Variants in NAV3 observed in about 807,000 individuals in gnomAD.
NAV3 encodes neuron navigator 3.
A neutral mutation model predicts 244.7 loss-of-function variants in NAV3; 87 were observed. The ratio of observed to expected loss-of-function variants is 0.36; its 90% CI spans 0.30 to 0.42. The LOEUF (loss-of-function observed/expected upper bound fraction) is 0.42, where lower values mean the gene tolerates loss of function less well. Among genes scored for constraint, NAV3 ranks in the 20% least tolerant of loss-of-function variants. The pLI is 1.00. For synonymous variants in NAV3, 1,126 were observed against 1,042.2 expected (o/e 1.08, Z -1.55); for missense variants, 2,663 against 2,893.3 (o/e 0.92, Z 1.83).
chr12:77,781,524 G>T lies in NAV3; in HGVS notation c.73-158795G>T, dbSNP rs905285140. ...CTGGAACCTCCCCACCCCCTGCTTTGAGTTGTCCTGCCTTTCCAGACAGAA... is the reference window on the plus strand; with the variant it reads ...CTGGAACCTCCCCACCCCCTGCTTTTAGTTGTCCTGCCTTTCCAGACAGAA... On this transcript the variant is annotated intron_variant, in intron 2 of 8. Transcript: ENST00000550042. Among the ~76,000 whole-genome samples, 4 of 152,162 alleles carry T rather than the reference G, an allele frequency of 2.6e-5. No homozygotes were observed. In the East Asian group the frequency reaches 7.7e-4, roughly 29 times the overall value.
chr12:77,792,997 C>T (rs1285811469), intron 2 of NAV3, among the ~76,000 whole-genome samples: 1 of 152,086 alleles, frequency 6.6e-6, no homozygotes, highest in Non-Finnish European at 1.5e-5. Context: ...TGAGAGGCTT[C>T]CCATGGTCCC....
chr12:77,866,920 G>T (rs1880132215), intron 1 of NAV3, among the ~76,000 whole-genome samples: 1 of 152,102 alleles, frequency 6.6e-6, no homozygotes. Flanking sequence ...ATTAGATTCA[G>T]GCTTGTAGAA....
At chr12:78,191,369 T>G (rs1958971572) in intron 34 of NAV3, among the ~76,000 whole-genome samples, 1 of 152,084 alleles carries the variant, frequency 6.6e-6, no homozygotes, top group African/African-American at 2.4e-5. Flanking sequence ...TTGCAATTTT[T>G]AATTATAGCC....
chr12:77,776,299 A>T (rs906794870), intron 2 of NAV3, among the ~76,000 whole-genome samples: 6 of 152,242 alleles, frequency 3.9e-5, no homozygotes, highest in African/African-American at 1.4e-4. Flanking sequence ...ACCATATAAG[A>T]TAGATATATC....
intron 3 of NAV3, among the ~76,000 whole-genome samples, chr12:77,954,871 T>C (rs981387090): frequency 2.0e-5 from 3 of 152,230 alleles, no homozygotes; most frequent in African/African-American, 7.2e-5. Context: ...TTAATAAATC[T>C]ATGTATGTAC....
chr12:78,113,306 T>C (rs1955197335), intron 12 of NAV3, among the ~76,000 whole-genome samples: 2 of 152,234 alleles, frequency 1.3e-5, no homozygotes, highest in African/African-American at 4.8e-5. Context: ...AGTACCCCAG[T>C]GGGGACTCTG....
In NAV3 at chr12:78,137,305, C is replaced by T. The variant is rs1404017748; in HGVS notation, c.4570C>T (p.Leu1524=). ...CCAGCTTTGTGGGAGTGCCACTTCT[C>T]TGGAGGAAAGACCTCGTGCCATCAG... ...DSQLCGSATS[L]EERPRAISHS... Residue 1524 remains leucine, a synonymous_variant, in exon 19 of 40, where the codon CTG becomes TTG. Transcript: ENST00000397909. The T allele has an allele frequency of 6.2e-7, 1 of 1,613,414 alleles. No homozygotes were observed. The highest frequency in any genetic ancestry group is 1.3e-5 in the African/African-American group (1 of 74,870).
chr12:78,044,766 T>C (rs1381122721), intron 9 of NAV3, among the ~76,000 whole-genome samples: 1 of 152,224 alleles, frequency 6.6e-6, no homozygotes, highest in Admixed American at 6.5e-5. Flanking sequence ...CTTGTGATTT[T>C]CGCATGTTGA....
At chr12:77,915,711 A>G (rs912502278) in intron 1 of NAV3, among the ~76,000 whole-genome samples, 6 of 152,048 alleles carry the variant, frequency 3.9e-5, no homozygotes, top group Non-Finnish European at 7.4e-5. Flanking sequence ...CTGCATTATT[A>G]TGGTCTCTAG....
At chr12:77,905,269 C>T (rs1885845295) in intron 1 of NAV3, among the ~76,000 whole-genome samples, 1 of 152,064 alleles carries the variant, frequency 6.6e-6, no homozygotes, top group Non-Finnish European at 1.5e-5. Context: ...GTATTTATTA[C>T]TAGCAGTATT....
chr12:77,575,224 G>A (rs981200553), intron 2 of NAV3, among the ~76,000 whole-genome samples: 13 of 151,982 alleles, frequency 8.6e-5, no homozygotes, highest in African/African-American at 3.1e-4. Flanking sequence ...TCTATCTGAA[G>A]TACTCTTCAT....
At chr12:78,202,262 C>T (rs1441770977) in intron 38 of NAV3, among the ~76,000 whole-genome samples, 1 of 151,898 alleles carries the variant, frequency 6.6e-6, no homozygotes, top group Non-Finnish European at 1.5e-5. Context: ...TTTTAGAACT[C>T]ATAATTTTGA....
chr12:77,981,971 G>T (rs144708402), intron 5 of NAV3, among the ~76,000 whole-genome samples: 89 of 152,132 alleles, frequency 5.9e-4, no homozygotes, highest in Admixed American at 5.2e-3. Flanking sequence ...AATAGATAGG[G>T]CCAGAAACAA....
chr12:78,166,465 T>C (rs1957785849), intron 23 of NAV3, among the ~76,000 whole-genome samples: 1 of 151,816 alleles, frequency 6.6e-6, no homozygotes, highest in African/African-American at 2.4e-5. Context: ...TGTTTGCTTA[T>C]ACTCAAAGTT....
At chr12:77,818,461 C>G (rs1467383756) in intron 2 of NAV3, among the ~76,000 whole-genome samples, 1 of 152,104 alleles carries the variant, frequency 6.6e-6, no homozygotes, top group East Asian at 1.9e-4. Context: ...GTTAGAATTA[C>G]AAAACTTTCC....
chr12:77,728,709 T>C (rs1011111237), intron 2 of NAV3, among the ~76,000 whole-genome samples: 1 of 151,902 alleles, frequency 6.6e-6, no homozygotes, highest in African/African-American at 2.4e-5. Flanking sequence ...GAATCCAATT[T>C]TGTAAGTGAT....
chr12:77,943,878 C>T (rs1472558908), intron 3 of NAV3, among the ~76,000 whole-genome samples: 1 of 152,044 alleles, frequency 6.6e-6, no homozygotes, highest in African/African-American at 2.4e-5. Context: ...AACTTGCTAC[C>T]CTTTATTGAA....
chr12:77,687,334 C>T (rs1874801851), intron 2 of NAV3, among the ~76,000 whole-genome samples: 1 of 151,468 alleles, frequency 6.6e-6, no homozygotes. Flanking sequence ...ACTATGTGTG[C>T]ATGTATAAGA....
chr12:77,647,008 T>C (rs1008132192), intron 2 of NAV3, among the ~76,000 whole-genome samples: 3 of 151,854 alleles, frequency 2.0e-5, no homozygotes, highest in Non-Finnish European at 4.4e-5. Flanking sequence ...GTTTAAAATA[T>C]ATATACATGG....
Sources: allele counts gnomAD v4.1 joint callset (sites outside exome capture counted in the v4.1 genomes callset), GRCh38; gene constraint gnomAD v4.1.1; transcripts MANE v1.5; gene names NCBI Gene and HGNC (gene_info 2026-07-23, HGNC 2026-07-21).